The following AKR7A2 variants were observed in gnomAD, a reference collection of about 807,000 sequenced individuals.
AKR7A2 encodes the protein aflatoxin B1 aldehyde reductase member 2.
In AKR7A2, 29 loss-of-function variants were observed where a neutral mutation model predicts 37.3. The ratio of observed to expected loss-of-function variants is 0.78; its 90% CI spans 0.58 to 1.06. The LOEUF is 1.06. Ranked by LOEUF, AKR7A2 falls within the 50% of genes least tolerant of loss-of-function variation. The pLI, the probability that AKR7A2 is intolerant of heterozygous loss-of-function variation, is 0.00. For synonymous variants in AKR7A2, 228 were observed against 217.8 expected (o/e 1.05, Z -0.41); for missense variants, 529 against 497.9 (o/e 1.06, Z -0.59).
In AKR7A2 at chr1:19,311,927, G is replaced by A; in HGVS notation, c.198C>T (p.Arg66=). 6.2e-7 allele frequency: 1 copy of A among 1,607,896 alleles called. No homozygotes were observed. Among genetic ancestry groups the A allele is most frequent in the East Asian group, 2.2e-5 (1 of 44,740 alleles). The change falls in exon 1 of 7, where the codon CGC becomes CGT. Residue 66 remains arginine, a synonymous_variant. Coordinates refer to ENST00000235835, the MANE Select transcript of AKR7A2 (RefSeq NM_003689.4). ...SAAAVRAFLE[R]GHTELDTAFM... is the part of the protein sequence containing the mutation. ...AGGCCGTGTCCAGTTCGGTGTGGCCGCGCTCCAGAAAGGCGCGCACGGCCG... is the reference window on the plus strand; with the variant it reads ...AGGCCGTGTCCAGTTCGGTGTGGCCACGCTCCAGAAAGGCGCGCACGGCCG...
rs2231200 is a variant in AKR7A2, at chr1:19,307,410, C to T, written c.592G>A (p.Gly198Ser). The part of the protein sequence containing the change: ...NGWILPTVYQ[G>S]MYNATTRQVE... ...TGCCGGGTGGTGGCGTTGTACATGC[C>T]CTGCAGGGAGAGGGACCCCGGGGAC... Residue 198 changes from glycine to serine, a missense_variant and splice_region_variant, in exon 4 of 7, where the codon GGC (glycine) becomes AGC (serine). Gly to Ser is a moderately conservative substitution (Grantham distance 56). Coordinates refer to ENST00000235835, the MANE Select transcript of AKR7A2 (RefSeq NM_003689.4). 119 of 1,613,976 alleles carry T rather than the reference C, an allele frequency of 7.4e-5. 3 individuals carry two copies. In the East Asian group the frequency reaches 2.5e-3, roughly 34 times the overall value.
chr1:19,311,827 C>T lies in AKR7A2; in HGVS notation c.298G>A (p.Val100Met). The change falls in exon 1 of 7, where the codon GTG (valine) becomes ATG (methionine). Residue 100 changes from valine to methionine, a missense_variant and splice_region_variant. Coordinates refer to ENST00000235835, the MANE Select transcript of AKR7A2 (RefSeq NM_003689.4). Reference protein sequence around the residue: ...GLGLGGGDCRVKIATKANPWD... With the variant: ...GLGLGGGDCRMKIATKANPWD... ...GGGGAGGATCTGCAGCTACTGTTAC[C>T]TCTGCAGTCGCCACCGCCCAGCCCG... The T allele has an allele frequency of 6.2e-7, 1 of 1,610,380 alleles. No homozygotes were observed. Among genetic ancestry groups the T allele is most frequent in the Admixed American group, 1.7e-5 (1 of 60,000 alleles).
chr1:19,309,693 G>A (rs2093768778), intron 1 of AKR7A2, among the ~76,000 whole-genome samples: 1 of 152,180 alleles, frequency 6.6e-6, no homozygotes, highest in Middle Eastern at 3.4e-3. Flanking sequence ...GGGAGGCTGA[G>A]TAGGGAGAAT....
intron 1 of AKR7A2, among the ~76,000 whole-genome samples, chr1:19,309,979 G>A (rs1233516761): frequency 1.3e-5 from 2 of 152,142 alleles, no homozygotes; most frequent in Admixed American, 6.5e-5. Flanking sequence ...AGGAGGCTGA[G>A]GCAGGAGAAT....
At chr1:19,304,485 T>A (rs1440463049) in intron 6 of AKR7A2, 99 bp from the exon 7 acceptor site, 1 of 1,595,638 alleles carries the variant, frequency 6.3e-7, no homozygotes, top group East Asian at 2.2e-5. Flanking sequence ...GGGGTCTCTG[T>A]TTATATTTAT....
Position 19,311,957 on chromosome 1 carries a change from G to A in AKR7A2, c.168C>T (p.Ser56=). ...CCAGAAAGGCGCGCACGGCCGCGGC[G>A]CTGGCGGGCGCGTCCATGCGGCGCC... ...EMGRRMDAPA[S]AAAVRAFLER... Residue 56 remains serine (S), a synonymous_variant, in exon 1 of 7, where the codon AGC becomes AGT. Coordinates refer to ENST00000235835, the MANE Select transcript of AKR7A2 (RefSeq NM_003689.4). 1 of 1,581,014 alleles carries A rather than the reference G, an allele frequency of 6.3e-7. No individual in the cohort carries two copies. The highest frequency in any genetic ancestry group is 8.6e-7 in the Non-Finnish European group (1 of 1,164,874).
rs146032379 is a variant in AKR7A2, at chr1:19,304,325, A to T, written c.980T>A (p.Leu327Ter). The change falls in exon 7 of 7, where the codon TTG (leucine) becomes TAG (stop). Residue 327 changes from leucine to a stop codon, truncating the protein, a stop_gained. Coordinates refer to ENST00000235835, the MANE Select transcript of AKR7A2 (RefSeq NM_003689.4). LOFTEE classifies it high-confidence loss of function. ...CAGGGGCCCTTCCTCTGTTGCTGCCAAGTTCTGCTCCAGCTGCTCCAGGCT... is the reference window on the plus strand; with the variant it reads ...CAGGGGCCCTTCCTCTGTTGCTGCCTAGTTCTGCTCCAGCTGCTCCAGGCT... ...MSSLEQLEQN[L>*]AATEEGPLEP... is the part of the protein sequence containing the mutation. 6.2e-7 allele frequency: 1 copy of T among 1,614,016 alleles called. No homozygotes were observed. Among genetic ancestry groups the T allele is most frequent in the African/African-American group, 1.3e-5 (1 of 74,904 alleles).
chr1:19,307,905 T>A (rs1407047566), intron 3 of AKR7A2: 2 of 592,946 alleles, frequency 3.4e-6, no homozygotes, highest in Admixed American at 2.8e-5. Context: ...GGAAATGTGT[T>A]CCAGGCTGAA....
In AKR7A2 at chr1:19,311,911, C is replaced by A; in HGVS notation, c.214G>T (p.Asp72Tyr). ...AFLERGHTELDTAFMYSDGQS... is the reference protein window; with the variant it reads ...AFLERGHTELYTAFMYSDGQS... ...CCGTCGCTGTACATGAAGGCCGTGTCCAGTTCGGTGTGGCCGCGCTCCAGA... is the reference window on the plus strand; with the variant it reads ...CCGTCGCTGTACATGAAGGCCGTGTACAGTTCGGTGTGGCCGCGCTCCAGA... The change falls in exon 1 of 7, where the codon GAC (aspartate) becomes TAC (tyrosine). Residue 72 changes from aspartate (D) to tyrosine (Y), a missense_variant. Transcript: ENST00000235835. The A allele has an allele frequency of 1.9e-6, 3 of 1,610,344 alleles. No homozygotes were observed. The highest frequency in any genetic ancestry group is 2.5e-6 in the Non-Finnish European group (3 of 1,179,290).
Position 19,312,077 on chromosome 1 carries a change from G to A in AKR7A2, c.48C>T (p.Cys16=), listed in dbSNP as rs186859775. Residue 16 remains cysteine, a synonymous_variant, in exon 1 of 7, where the codon TGC becomes TGT. Coordinates refer to ENST00000235835, the MANE Select transcript of AKR7A2 (RefSeq NM_003689.4). The part of the protein sequence containing the change: ...SRVVSRAAVH[C]ALRSPPPEAR... ...CCTCGGGCGGCGGAGAGCGAAGCGC[G>A]CAGTGGACGGCGGCGCGGGAGACTA... The A allele has an allele frequency of 2.0e-3, 2,632 of 1,348,358 alleles. 50 individuals are homozygous for A. In the African/African-American group the frequency reaches 0.034, roughly 17 times the overall value. The allele number at this position is 1,348,358 out of a possible 1,614,324, so 83.5% of individuals were successfully genotyped here.
chr1:19,308,395 T>G, intron 2 of AKR7A2, 60 bp downstream of exon 2: 1 of 1,599,318 alleles, frequency 6.3e-7, no homozygotes, highest in Non-Finnish European at 8.5e-7. Context: ...CTCTCATGAG[T>G]AGGATCAGGA....
In AKR7A2 at chr1:19,311,887, C is replaced by G. The variant is rs765274481; in HGVS notation, c.238G>C (p.Gly80Arg). The change falls in exon 1 of 7, where the codon GGC (glycine) becomes CGC (arginine). Residue 80 changes from glycine to arginine, a missense_variant. Gly to Arg is a moderately radical substitution (Grantham distance 125). Transcript: ENST00000235835. ...ELDTAFMYSD[G>R]QSETILGGLG... ...CCGCCCAGGATGGTCTCGGACTGGC[C>G]GTCGCTGTACATGAAGGCCGTGTCC... The G allele has an allele frequency of 6.2e-7, 1 of 1,610,762 alleles. No homozygotes were observed. The highest frequency in any genetic ancestry group is 8.5e-7 in the Non-Finnish European group (1 of 1,179,536).
Position 19,304,276 on chromosome 1 carries a change from A to T in AKR7A2, c.1029T>A (p.Phe343Leu). ...GPLEPAVVDA[F>L]NQAWHLVAHE... ...GAGCAACCAAATGCCAGGCTTGATT[A>T]AAGGCATCCACGACAGCCGGCTCCA... Residue 343 changes from phenylalanine to leucine, a missense_variant, in exon 7 of 7, where the codon TTT (phenylalanine) becomes TTA (leucine). Coordinates refer to ENST00000235835, the MANE Select transcript of AKR7A2 (RefSeq NM_003689.4). 2 of 1,614,100 alleles carry T rather than the reference A, an allele frequency of 1.2e-6. No individual in the cohort carries two copies. The highest frequency in any genetic ancestry group is 1.7e-6 in the Non-Finnish European group (2 of 1,180,008).
intron 1 of AKR7A2, among the ~76,000 whole-genome samples, chr1:19,310,224 CCA>C (rs1213615987): frequency 6.6e-6 from 1 of 152,166 alleles, no homozygotes; most frequent in Non-Finnish European, 1.5e-5. Context: ...AGAACAAGTT[CCA>C]CAGTTTCTCA....
chr1:19,308,755 G>T, intron 1 of AKR7A2, 113 bp from the exon 2 acceptor site: 1 of 1,069,824 alleles, frequency 9.3e-7, no homozygotes, highest in Non-Finnish European at 1.4e-6. Flanking sequence ...CTGTAAAATG[G>T]GGTGATAATA....
In AKR7A2 at chr1:19,305,905, GAAGA is replaced by G. The variant is rs925418128; in HGVS notation, c.918+109_918+112del. The G allele has an allele frequency of 1.3e-4, 201 of 1,575,884 alleles. No individual in the cohort carries two copies. In the African/African-American group the frequency reaches 2.4e-3, roughly 19 times the overall value. On this transcript the variant is annotated intron_variant, in intron 6 of 6. Coordinates refer to ENST00000235835, the MANE Select transcript of AKR7A2 (RefSeq NM_003689.4). ...GTGGGAAGAGTGCTTATGAGAATTGGAAGAAAGAAAAATTTCAGAGGAATTCAGA... is the reference window on the plus strand; with the variant it reads ...GTGGGAAGAGTGCTTATGAGAATTGGAAGAAAAATTTCAGAGGAATTCAGA...
chr1:19,311,520 C>T (rs2093775213), intron 1 of AKR7A2, among the ~76,000 whole-genome samples: 1 of 151,242 alleles, frequency 6.6e-6, no homozygotes, highest in East Asian at 1.9e-4. Flanking sequence ...GGGTGGGGAC[C>T]GGTTGTGGGC....
chr1:19,304,874 G>C (rs2093758397), intron 6 of AKR7A2, among the ~76,000 whole-genome samples: 1 of 152,218 alleles, frequency 6.6e-6, no homozygotes, highest in African/African-American at 2.4e-5. Flanking sequence ...AGGAGGTTGA[G>C]GTTGCAGTGA....
chr1:19,307,265 TC>T, intron 4 of AKR7A2, 48 bp downstream of exon 4: 1 of 1,611,384 alleles, frequency 6.2e-7, no homozygotes, highest in Non-Finnish European at 8.5e-7. Context: ...GGGCTGGGCA[TC>T]TGTGGGTCAG....
Sources: gnomAD v4.1 joint callset for allele counts (sites outside exome capture counted in the v4.1 genomes callset) on GRCh38, gnomAD v4.1.1 for gene constraint, MANE v1.5 for transcripts, NCBI Gene and HGNC (gene_info 2026-07-23, HGNC 2026-07-21) for gene names.